NAIF1: variants seen among roughly 807,000 people sequenced by gnomAD.
NAIF1 encodes the protein nuclear apoptosis inducing factor 1.
A neutral mutation model predicts 20.7 loss-of-function variants in NAIF1; 14 were observed. The observed-to-expected ratio is 0.67, with a 90% confidence interval of 0.45 to 1.05. The LOEUF is 1.05. Ranked by LOEUF, NAIF1 falls within the 50% of genes least tolerant of loss-of-function variation. NAIF1 has a pLI of 0.00. For missense variants in NAIF1, 362 were observed against 448.8 expected, an observed-to-expected ratio of 0.81 and a Z score of 1.75; for synonymous variants, 191 against 191.4, an observed-to-expected ratio of 1.00 and a Z score of 0.02.
At chr9:128,064,479 C>T (rs1832756405) in intron 1 of NAIF1, among the ~76,000 whole-genome samples, 1 of 152,210 alleles carries the variant, frequency 6.6e-6, no homozygotes, top group South Asian at 2.1e-4. Context: ...AGAGCAACTA[C>T]TACATGTCAG....
chr9:128,064,413 C>T (rs1207682821), intron 1 of NAIF1, among the ~76,000 whole-genome samples: 1 of 152,140 alleles, frequency 6.6e-6, no homozygotes, highest in Admixed American at 6.6e-5. Context: ...AATCAAAGGG[C>T]CAGCCCTGGA....
In NAIF1 at chr9:128,066,160, C is replaced by T. The variant is rs564970363; in HGVS notation, c.511+431G>A. On this transcript the variant is annotated intron_variant, in intron 1 of 1. Coordinates refer to ENST00000373078, the MANE Select transcript of NAIF1 (RefSeq NM_197956.4). ...CCTGAGCAGCACCTGATGAAAGATC[C>T]CCCACACTGAAAACAGAATCCAGAA... 2.1e-3 allele frequency: 355 copies of T among 166,430 alleles called. 1 individual carries two copies. The highest frequency in any genetic ancestry group is 8.0e-3 in the African/African-American group (337 of 42,146). 10.3% of individuals were successfully genotyped at this position (166,430 alleles called of 1,614,324 possible). A position where few individuals can be genotyped will look rare whatever the true frequency, so the allele number is the denominator to read the frequency against.
rs1252650156 is a variant in NAIF1 at position 128,063,768 on chromosome 9, G to A, written c.644C>T (p.Pro215Leu). The stretch of plus-strand genomic sequence containing the variant: ...AGCAATGCGGCTCTTGAGCGCTTGC[G>A]GCTTGACCGACGTGTCTGCATGCTG... ...MAQHADTSVK[P>L]QALKSRIALN... The change falls in exon 2 of 2, where the codon CCG becomes CTG. Residue 215 changes from proline (P) to leucine (L), a missense_variant. Around this residue, in one of 3 missense-constraint regions of NAIF1, gnomAD observed 300 missense variants for 342.7 expected, o/e 0.88. Coordinates refer to ENST00000373078, the MANE Select transcript of NAIF1 (RefSeq NM_197956.4). This position sits in a 1 kb window ranked among gnomAD's most constrained non-coding sequence, Gnocchi z 4.3. 1.9e-6 allele frequency: 3 copies of A among 1,613,958 alleles called. No individual in the cohort carries two copies. Among genetic ancestry groups the A allele is most frequent in the Non-Finnish European group, 2.5e-6 (3 of 1,180,050 alleles).
Position 128,067,110 on chromosome 9 carries a change from C to T in NAIF1, c.-9G>A, listed in dbSNP as rs1238352615. 7 of 1,573,810 alleles carry T rather than the reference C, an allele frequency of 4.4e-6. No homozygotes were observed. The highest frequency in any genetic ancestry group is 5.2e-6 in the Non-Finnish European group (6 of 1,156,286). ...TTGGCTGGGACGGCCATGGCCTCTCCCCTCCCCTCTTTTTAAAGAAATTAT... is the reference window on the plus strand; with the variant it reads ...TTGGCTGGGACGGCCATGGCCTCTCTCCTCCCCTCTTTTTAAAGAAATTAT... On this transcript the variant is annotated 5_prime_UTR_variant, in exon 1 of 2. Transcript: ENST00000373078.
At chr9:128,064,078 A>ATTTTT (rs869101033) in intron 1 of NAIF1, among the ~76,000 whole-genome samples, 178 bp from the exon 2 acceptor site, 6 of 105,324 alleles carry the variant, frequency 5.7e-5, no homozygotes, top group African/African-American at 8.7e-5. Context: ...GGGGTTCAGA[A>ATTTTT]TTTTTTTTTT....
rs1315091073 is a variant in NAIF1, at chr9:128,062,475, T to C, written c.*953A>G. On this transcript the variant is annotated 3_prime_UTR_variant, in exon 2 of 2. Coordinates refer to ENST00000373078, the MANE Select transcript of NAIF1 (RefSeq NM_197956.4). ...CTTTTTTTGCACTGAATTTTGGAAA[T>C]GTGGAGTCAGCAGAGAGGAAAGGAG... 7 of 152,488 alleles carry C rather than the reference T, an allele frequency of 4.6e-5. No individual in the cohort carries two copies. Among genetic ancestry groups the C allele is most frequent in the African/African-American group, 1.7e-4 (7 of 41,372 alleles). The allele number at this position is 152,488 out of a possible 1,614,324, so 9.4% of individuals were successfully genotyped here.
Position 128,063,120 on chromosome 9 carries a change from C to G in NAIF1, c.*308G>C. The stretch of plus-strand genomic sequence containing the variant: ...CGTTGTGTTGTTCCTTACAGTTGTC[C>G]AAGACCAAGGCTGGGTCATGTCACA... On this transcript the variant is annotated 3_prime_UTR_variant, in exon 2 of 2. Coordinates refer to ENST00000373078, the MANE Select transcript of NAIF1 (RefSeq NM_197956.4). This position sits in a 1 kb window ranked among gnomAD's most constrained non-coding sequence, Gnocchi z 4.3. The G allele has an allele frequency of 2.5e-6, 1 of 395,150 alleles. No homozygotes were observed. Among genetic ancestry groups the G allele is most frequent in the South Asian group, 3.1e-5 (1 of 31,880 alleles). 24.5% of individuals were successfully genotyped at this position (395,150 alleles called of 1,614,324 possible).
Position 128,067,106 on chromosome 9 carries a change from T to TCTCCC in NAIF1, c.-10_-6dup. 6.3e-7 allele frequency: 1 copy of TCTCCC among 1,584,382 alleles called. No homozygotes were observed. ...TTTCTTGGCTGGGACGGCCATGGCC[T>TCTCCC]CTCCCCTCCCCTCTTTTTAAAGAAA... On this transcript the variant is annotated 5_prime_UTR_variant, in exon 1 of 2. Transcript: ENST00000373078.
rs1331238199 is a variant in NAIF1 at position 128,061,731 on chromosome 9, A to C, written c.*1697T>G. The stretch of plus-strand genomic sequence containing the variant: ...CTGAGGTCTGGAGCCCTGAGTTGTA[A>C]CCATTGGTCATATGTGGCTGAGGCA... On this transcript the variant is annotated 3_prime_UTR_variant, in exon 2 of 2. Coordinates refer to ENST00000373078, the MANE Select transcript of NAIF1 (RefSeq NM_197956.4). The C allele has an allele frequency of 2.0e-5, 3 of 152,224 alleles. No homozygotes were observed. 9.4% of individuals were successfully genotyped at this position (152,224 alleles called of 1,614,324 possible).
Position 128,067,051 on chromosome 9 carries a change from C to A in NAIF1, c.51G>T (p.Val17=). Residue 17 remains valine, a synonymous_variant, in exon 1 of 2, where the codon GTG becomes GTT. Transcript: ENST00000373078. ...KRKMNFSERE[V]EIIVEELELK... The stretch of plus-strand genomic sequence containing the variant: ...GCTCCAGCTCCTCCACGATGATCTC[C>A]ACCTCCCGCTCTGAGAAGTTCATCT... The A allele has an allele frequency of 6.2e-7, 1 of 1,613,118 alleles. No homozygotes were observed. Among genetic ancestry groups the A allele is most frequent in the Non-Finnish European group, 8.5e-7 (1 of 1,179,242 alleles).
Position 128,063,972 on chromosome 9 carries a change from GGGA to G in NAIF1, c.512-75_512-73del. 11 of 1,384,982 alleles carry G rather than the reference GGGA, an allele frequency of 7.9e-6. No individual in the cohort carries two copies. Among genetic ancestry groups the G allele is most frequent in the Non-Finnish European group, 9.9e-6 (10 of 1,011,638 alleles). The allele number at this position is 1,384,982 out of a possible 1,614,324, so 85.8% of individuals were successfully genotyped here. A position where few individuals can be genotyped will look rare whatever the true frequency, so the allele number is the denominator to read the frequency against. ...GGAATAAAGCTGGCTGTATGGGGTG[GGGA>G]GGAGGCCATAAAGTCCTGTCCTGGA... On this transcript the variant is annotated intron_variant, in intron 1 of 1. Coordinates refer to ENST00000373078, the MANE Select transcript of NAIF1 (RefSeq NM_197956.4). The surrounding 1 kb of genome is among the most constrained non-coding windows in gnomAD (Gnocchi z 4.3).
intron 1 of NAIF1, among the ~76,000 whole-genome samples, chr9:128,064,396 A>G (rs934648129): frequency 1.3e-5 from 2 of 152,076 alleles, no homozygotes; most frequent in Non-Finnish European, 2.9e-5. Context: ...ATCTTAATCT[A>G]CTTGGTAATC....
In NAIF1 at chr9:128,063,859, C is replaced by G. The variant is rs1232674837; in HGVS notation, c.553G>C (p.Val185Leu). Residue 185 changes from valine (V) to leucine (L), a missense_variant, in exon 2 of 2, where the codon GTG (valine) becomes CTG (leucine). By Grantham distance (32) the Val-to-Leu change is conservative. Transcript: ENST00000373078. The surrounding 1 kb of genome is among the most constrained non-coding windows in gnomAD (Gnocchi z 4.3). Reference protein sequence around the residue: ...TTYHTLEEGVVEYCTAEAPPP... With the variant: ...TTYHTLEEGVLEYCTAEAPPP... ...GGCGCCTCAGCCGTGCAGTACTCCA[C>G]CACGCCCTCCTCCAGCGTGTGATAG... is the stretch of plus-strand genomic sequence containing the variant. The G allele has an allele frequency of 1.2e-6, 2 of 1,610,106 alleles. No individual in the cohort carries two copies. The highest frequency in any genetic ancestry group is 1.7e-6 in the Non-Finnish European group (2 of 1,180,016).
rs571727781 is a variant in NAIF1, at chr9:128,067,257, C to T, written c.-156G>A. 3 of 921,248 alleles carry T rather than the reference C, an allele frequency of 3.3e-6. No individual in the cohort carries two copies. The highest frequency in any genetic ancestry group is 1.7e-5 in the African/African-American group (1 of 60,314). The allele number at this position is 921,248 out of a possible 1,614,324, so 57.1% of individuals were successfully genotyped here. ...GCACTAGGCCTTTGGTAACCCCCCT[C>T]GCTACGCAAAGTGCGTAGGGCCCAG... On this transcript the variant is annotated 5_prime_UTR_variant, in exon 1 of 2. Coordinates refer to ENST00000373078, the MANE Select transcript of NAIF1 (RefSeq NM_197956.4).
Position 128,061,891 on chromosome 9 carries a change from G to A in NAIF1, c.*1537C>T, listed in dbSNP as rs1431967412. On this transcript the variant is annotated 3_prime_UTR_variant, in exon 2 of 2. Coordinates refer to ENST00000373078, the MANE Select transcript of NAIF1 (RefSeq NM_197956.4). ...TTACAGACATCTCAGAAGAGAAAGT[G>A]TAAAGATGGAACAGGGAACAGCACC... 2 of 152,246 alleles carry A rather than the reference G, an allele frequency of 1.3e-5. No homozygotes were observed. Among genetic ancestry groups the A allele is most frequent in the Non-Finnish European group, 2.9e-5 (2 of 68,074 alleles). 9.4% of individuals were successfully genotyped at this position (152,246 alleles called of 1,614,324 possible). A position where few individuals can be genotyped will look rare whatever the true frequency, so the allele number is the denominator to read the frequency against.
chr9:128,067,204 G>T lies in NAIF1; in HGVS notation c.-103C>A. 2 of 1,413,462 alleles carry T rather than the reference G, an allele frequency of 1.4e-6. No individual in the cohort carries two copies. Among genetic ancestry groups the T allele is most frequent in the South Asian group, 2.8e-5 (2 of 72,670 alleles). 87.6% of individuals were successfully genotyped at this position (1,413,462 alleles called of 1,614,324 possible). A position where few individuals can be genotyped will look rare whatever the true frequency, so the allele number is the denominator to read the frequency against. On this transcript the variant is annotated 5_prime_UTR_variant, in exon 1 of 2. Transcript: ENST00000373078. ...CTCGCCCCTCACCCACCCCCTACAG[G>T]GGATAGGCCAGGCTTGCTCGAGGCC...
Position 128,067,048 on chromosome 9 carries a change from C to A in NAIF1, c.54G>T (p.Glu18Asp), listed in dbSNP as rs1832793064. The A allele has an allele frequency of 6.2e-7, 1 of 1,613,274 alleles. No individual in the cohort carries two copies. Among genetic ancestry groups the A allele is most frequent in the African/African-American group, 1.3e-5 (1 of 75,046 alleles). ...RKMNFSEREV[E>D]IIVEELELKK... The stretch of plus-strand genomic sequence containing the variant: ...TCAGCTCCAGCTCCTCCACGATGAT[C>A]TCCACCTCCCGCTCTGAGAAGTTCA... The change falls in exon 1 of 2, where the codon GAG becomes GAT. Residue 18 changes from glutamate to aspartate, a missense_variant. Coordinates refer to ENST00000373078, the MANE Select transcript of NAIF1 (RefSeq NM_197956.4).
At chr9:128,064,957 C>G (rs1832761376) in intron 1 of NAIF1, among the ~76,000 whole-genome samples, 1 of 147,428 alleles carries the variant, frequency 6.8e-6, no homozygotes, top group African/African-American at 2.4e-5. Context: ...GCAACAAGAG[C>G]AAAACTCCAT....
chr9:128,066,808 G>T lies in NAIF1; in HGVS notation c.294C>A (p.Pro98=), dbSNP rs765173542. The T allele has an allele frequency of 3.1e-6, 5 of 1,610,840 alleles. No homozygotes were observed. The East Asian group carries it at 6.7e-5, about 22-fold the overall frequency. Residue 98 remains proline (P), a synonymous_variant, in exon 1 of 2, where the codon CCC becomes CCA. Coordinates refer to ENST00000373078, the MANE Select transcript of NAIF1 (RefSeq NM_197956.4). ...GCCCCCCAGCTCCGTCCTCCTCAGT[G>T]GGCCCCGGCGCCTCACCACCCTCCA... ...AAVEGGEAPG[P]TEEDGAGGPG... is the part of the protein sequence containing the mutation.
Sources: gnomAD v4.1 joint callset for allele counts (sites outside exome capture counted in the v4.1 genomes callset) on GRCh38, gnomAD v4.1.1 for gene constraint, gnomAD v4.1.1 regional missense constraint, Gnocchi (gnomAD v3.1) non-coding constraint, MANE v1.5 for transcripts, NCBI Gene and HGNC (gene_info 2026-07-23, HGNC 2026-07-21) for gene names.